NLGN1: variants seen among roughly 807,000 people sequenced by gnomAD.
The protein encoded by NLGN1 is neuroligin-1.
NLGN1 carries 12 observed loss-of-function variants against 65.5 expected under a neutral mutation model. The observed-to-expected ratio is 0.18, with a 90% CI of 0.12 to 0.30. The LOEUF is 0.30. Ranked by LOEUF, NLGN1 falls within the 10% of genes least tolerant of loss-of-function variation. NLGN1 has a pLI of 1.00. For missense variants in NLGN1, 750 were observed against 1,007.1 expected (o/e 0.74, Z 3.46); for synonymous variants, 350 against 359.5 (o/e 0.97, Z 0.30).
At chr3:173,937,885 A>T (rs1343516415) in intron 4 of NLGN1, among the ~76,000 whole-genome samples, 2 of 152,328 alleles carry the variant, frequency 1.3e-5, no homozygotes, top group East Asian at 3.9e-4. Context: ...TTAACCCTAG[A>T]TGCTCCATTA....
chr3:174,270,277 G>A (rs1022776003), intron 4 of NLGN1, among the ~76,000 whole-genome samples: 9 of 150,800 alleles, frequency 6.0e-5, no homozygotes, highest in Non-Finnish European at 1.0e-4. Context: ...TTTATTTTAG[G>A]AGTTTAATAG....
At chr3:173,980,201 ATAT>A (rs546639082) in intron 4 of NLGN1, among the ~76,000 whole-genome samples, 77 of 152,240 alleles carry the variant, frequency 5.1e-4, no homozygotes, top group African/African-American at 1.8e-3. Flanking sequence ...CCCATTAAAA[ATAT>A]TATGTATTAA....
At chr3:174,173,020 T>A (rs1417480639) in intron 4 of NLGN1, among the ~76,000 whole-genome samples, 1 of 152,004 alleles carries the variant, frequency 6.6e-6, no homozygotes, top group Non-Finnish European at 1.5e-5. Context: ...AAGTTTTTAT[T>A]GTAGAGATCT....
rs149304911 is a variant in NLGN1, at chr3:173,568,776, C to G, written c.-320-35503C>G. ...GCAAGCTCCGCCTCCTGGGTTCACC[C>G]CATTCTCCGGCCTCAGCCTCTGGAG... On this transcript the variant is annotated intron_variant, in intron 2 of 6. Coordinates refer to ENST00000457714, the Ensembl canonical transcript of NLGN1. 5.8e-3 allele frequency among the ~76,000 whole-genome samples: 881 copies of G among 152,300 alleles called. 6 individuals are homozygous for G. Among genetic ancestry groups the G allele is most frequent in the African/African-American group, 0.019 (771 of 41,568 alleles).
At chr3:173,557,752 C>G (rs765429605) in intron 2 of NLGN1, among the ~76,000 whole-genome samples, 1 of 151,920 alleles carries the variant, frequency 6.6e-6, no homozygotes, top group Non-Finnish European at 1.5e-5. Flanking sequence ...TGTTAGTAAC[C>G]CCATGATGCT....
At chr3:173,723,158 C>A (rs563910661) in intron 3 of NLGN1, among the ~76,000 whole-genome samples, 1 of 152,156 alleles carries the variant, frequency 6.6e-6, no homozygotes, top group African/African-American at 2.4e-5. Context: ...GCTATGTGAG[C>A]AAAGGGGAGA....
rs1437361033 is a variant in NLGN1 at position 173,539,690 on chromosome 3, GTACATA to G, written c.-320-64587_-320-64582del. Among the ~76,000 whole-genome samples the G allele has an allele frequency of 6.9e-4, 85 of 123,702 alleles. 2 individuals are homozygous for G. The highest frequency in any genetic ancestry group is 2.5e-3 in the African/African-American group (78 of 31,790). The allele number at this position is 123,702 out of a possible 152,430, so 81.2% of individuals were successfully genotyped here. A position where few individuals can be genotyped will look rare whatever the true frequency, so the allele number is the denominator to read the frequency against. On this transcript the variant is annotated intron_variant, in intron 2 of 6. Coordinates refer to ENST00000457714, the Ensembl canonical transcript of NLGN1. ...ATGCACATATATAACATACATATAT[GTACATA>G]TGCACATATATACATATATGTACAT...
intron 2 of NLGN1, among the ~76,000 whole-genome samples, chr3:173,479,353 A>G (rs1309878634): frequency 6.6e-6 from 1 of 152,180 alleles, no homozygotes; most frequent in Non-Finnish European, 1.5e-5. Flanking sequence ...TAGAATCCCA[A>G]GCCAGAATAT....
At chr3:174,121,844 A>G (rs1319104423) in intron 4 of NLGN1, among the ~76,000 whole-genome samples, 4 of 152,208 alleles carry the variant, frequency 2.6e-5, no homozygotes, top group Non-Finnish European at 4.4e-5. Context: ...ACCAGAACAT[A>G]TGTTTCTAAT....
chr3:173,865,767 C>A (rs1427318323), intron 4 of NLGN1, among the ~76,000 whole-genome samples: 1 of 152,072 alleles, frequency 6.6e-6, no homozygotes, highest in Non-Finnish European at 1.5e-5. Context: ...ATTTATGCTT[C>A]AAAATGAATG....
intron 3 of NLGN1, among the ~76,000 whole-genome samples, chr3:173,669,286 A>G (rs1265834392): frequency 1.3e-5 from 2 of 152,178 alleles, no homozygotes; most frequent in African/African-American, 2.4e-5. Context: ...TCCCAGGGCT[A>G]TTGTAACAAA....
At chr3:173,705,974 T>G (rs997827569) in intron 3 of NLGN1, among the ~76,000 whole-genome samples, 5 of 152,080 alleles carry the variant, frequency 3.3e-5, no homozygotes, top group Non-Finnish European at 7.4e-5. Context: ...TTAAATTTAG[T>G]GGGGTTTGGG....
intron 4 of NLGN1, among the ~76,000 whole-genome samples, chr3:174,087,376 T>G (rs989039521): frequency 6.6e-6 from 1 of 152,152 alleles, no homozygotes; most frequent in African/African-American, 2.4e-5. Flanking sequence ...CTGATTAACT[T>G]TTCTGGAGTA....
At chr3:173,855,358 A>G (rs1016523657) in intron 4 of NLGN1, among the ~76,000 whole-genome samples, 2 of 152,166 alleles carry the variant, frequency 1.3e-5, no homozygotes, top group African/African-American at 4.8e-5. Flanking sequence ...TTTAACTTTT[A>G]GAAATTACCA....
At chr3:173,751,931 A>C (rs1026854779) in intron 3 of NLGN1, among the ~76,000 whole-genome samples, 21 of 152,192 alleles carry the variant, frequency 1.4e-4, no homozygotes, top group African/African-American at 5.1e-4. Flanking sequence ...AGAAAATCAC[A>C]GAGCTGTGAT....
chr3:173,830,386 C>T (rs1012764114), intron 4 of NLGN1, among the ~76,000 whole-genome samples: 1 of 152,134 alleles, frequency 6.6e-6, no homozygotes, highest in Non-Finnish European at 1.5e-5. Context: ...AGGTTAGTGG[C>T]TTGATATGCC....
At chr3:173,526,776 C>A (rs906015490) in intron 2 of NLGN1, among the ~76,000 whole-genome samples, 1 of 152,152 alleles carries the variant, frequency 6.6e-6, no homozygotes, top group African/African-American at 2.4e-5. Context: ...GCTAACCATC[C>A]TTCTACTCTG....
intron 3 of NLGN1, among the ~76,000 whole-genome samples, chr3:173,723,472 A>G (rs1292310633): frequency 2.0e-5 from 3 of 152,142 alleles, no homozygotes; most frequent in Admixed American, 2.0e-4. Flanking sequence ...CATACACAAT[A>G]ACTTCTCATT....
intron 4 of NLGN1, among the ~76,000 whole-genome samples, chr3:174,184,763 C>G (rs1211064103): frequency 1.3e-5 from 2 of 152,062 alleles, no homozygotes; most frequent in African/African-American, 4.8e-5. Flanking sequence ...ACGGTGGAAG[C>G]TAGTTTATAA....
Sources: allele counts gnomAD v4.1 joint callset (sites outside exome capture counted in the v4.1 genomes callset), GRCh38; gene constraint gnomAD v4.1.1; transcripts MANE v1.5; gene names NCBI Gene and HGNC (gene_info 2026-07-23, HGNC 2026-07-21).